The following RTTN variants were observed in gnomAD, a reference collection of about 807,000 sequenced individuals.
RTTN encodes the protein rotatin.
In RTTN, 182 loss-of-function variants were observed where a neutral mutation model predicts 269.2. The observed-to-expected ratio is 0.68, with a 90% CI of 0.60 to 0.76. The LOEUF is 0.76. Among genes scored for constraint, RTTN ranks in the 30% least tolerant of loss-of-function variants. The pLI is 0.00. For missense variants in RTTN, 2,545 were observed against 2,608.6 expected (o/e 0.98, Z 0.53); for synonymous variants, 1,006 against 963.5 (o/e 1.04, Z -0.82).
At chr18:70,017,194 C>A (rs1044431614) in intron 46 of RTTN, among the ~76,000 whole-genome samples, 1 of 152,104 alleles carries the variant, frequency 6.6e-6, no homozygotes, top group African/African-American at 2.4e-5. Flanking sequence ...AGTATGTGCA[C>A]TGGAATGACA....
intron 1 of RTTN, 77 bp from the exon 2 acceptor site, chr18:70,205,392 G>A (rs2062051383): frequency 6.4e-7 from 1 of 1,564,858 alleles, no homozygotes; most frequent in African/African-American, 1.4e-5. Context: ...GGGCAGGAGC[G>A]GCGTGAAGAC....
chr18:70,051,598 G>C, intron 38 of RTTN, 50 bp from the exon 39 acceptor site: 1 of 1,424,950 alleles, frequency 7.0e-7, no homozygotes, highest in South Asian at 1.3e-5. Flanking sequence ...AGAAGGAAAA[G>C]AACCTTTCAA....
chr18:70,116,419 GT>G (rs926554451), intron 26 of RTTN, among the ~76,000 whole-genome samples: 2 of 151,170 alleles, frequency 1.3e-5, no homozygotes, highest in Non-Finnish European at 3.0e-5. Context: ...GATTACTGAA[GT>G]TTTTTTTTCT....
At chr18:70,023,631 T>C (rs1016895762) in intron 44 of RTTN, among the ~76,000 whole-genome samples, 10 of 152,262 alleles carry the variant, frequency 6.6e-5, no homozygotes, top group South Asian at 4.1e-4. Context: ...TCCTTGACTC[T>C]ACCTTTGAGC....
intron 34 of RTTN, among the ~76,000 whole-genome samples, chr18:70,072,315 C>G (rs959919710): frequency 1.3e-5 from 2 of 152,006 alleles, no homozygotes; most frequent in Non-Finnish European, 2.9e-5. Context: ...ACACATATTA[C>G]AAAATTCTTT....
At chr18:70,019,894 C>T (rs1027887317) in intron 45 of RTTN, 4 of 152,182 alleles carry the variant, frequency 2.6e-5, no homozygotes, top group African/African-American at 9.7e-5. Context: ...CTTATAAATG[C>T]TCTCAACTTC....
rs1331568997 is a variant in RTTN at position 70,139,671 on chromosome 18, C to A, written c.2716G>T (p.Val906Phe). The change falls in exon 21 of 49, where the codon GTT becomes TTT. Residue 906 changes from valine (V) to phenylalanine (F), a missense_variant. Coordinates refer to ENST00000640769, the MANE Select transcript of RTTN (RefSeq NM_173630.4). ...VQPCLTLLRK[V>F]LCGDPVMRVS... ...CGCATGACTGGATCACCACATAAAACCTTCCTCAAGAGTGTGAGGCATGGT... is the reference window on the plus strand; with the variant it reads ...CGCATGACTGGATCACCACATAAAAACTTCCTCAAGAGTGTGAGGCATGGT... 3 of 1,613,436 alleles carry A rather than the reference C, an allele frequency of 1.9e-6. No homozygotes were observed. The East Asian group carries it at 6.7e-5, about 36-fold the overall frequency.
At chr18:70,131,498 A>G (rs552671962) in intron 23 of RTTN, 1 of 151,776 alleles carries the variant, frequency 6.6e-6, no homozygotes, top group East Asian at 1.9e-4. Context: ...TAATCTCTAT[A>G]TTATAAAAGA....
chr18:70,089,549 A>G (rs1029128127), intron 30 of RTTN, among the ~76,000 whole-genome samples: 5 of 152,254 alleles, frequency 3.3e-5, no homozygotes, highest in African/African-American at 9.6e-5. Flanking sequence ...ACAAATGCCT[A>G]AACACATGAA....
rs760332068 is a variant in RTTN at position 70,109,539 on chromosome 18, G to A, written c.3862C>T (p.Pro1288Ser). 2 of 1,613,932 alleles carry A rather than the reference G, an allele frequency of 1.2e-6. No individual in the cohort carries two copies. Among genetic ancestry groups the A allele is most frequent in the East Asian group, 4.5e-5 (2 of 44,862 alleles). ...GWSSHSPLTK[P>S]LDICVKYLSG... Reference sequence around the variant, plus strand: ...AAGTACTTCACACAGATATCTAGAGGCTTTGTGAGAGGAGAGTGTGAGCTC... The same window carrying A: ...AAGTACTTCACACAGATATCTAGAGACTTTGTGAGAGGAGAGTGTGAGCTC... Residue 1288 changes from proline (P) to serine (S), a missense_variant, in exon 28 of 49, where the codon CCT becomes TCT. Transcript: ENST00000640769.
intron 32 of RTTN, among the ~76,000 whole-genome samples, chr18:70,086,059 C>T (rs2058691251): frequency 6.6e-6 from 1 of 152,052 alleles, no homozygotes; most frequent in Admixed American, 6.5e-5. Flanking sequence ...GTTAACCCAA[C>T]AGAAAACAAA....
intron 40 of RTTN, among the ~76,000 whole-genome samples, chr18:70,037,649 C>T (rs920237308): frequency 3.9e-5 from 6 of 152,136 alleles, no homozygotes; most frequent in East Asian, 3.9e-4. Flanking sequence ...GGCTCTGGGA[C>T]GTGCTGACTT....
chr18:70,006,501 A>G lies in RTTN; in HGVS notation c.6422-17T>C, dbSNP rs1268117642. 2 of 1,596,410 alleles carry G rather than the reference A, an allele frequency of 1.3e-6. No individual in the cohort carries two copies. Among genetic ancestry groups the G allele is most frequent in the African/African-American group, 2.7e-5 (2 of 74,526 alleles). On this transcript the variant is annotated splice_polypyrimidine_tract_variant and intron_variant, in intron 46 of 48. Coordinates refer to ENST00000640769, the MANE Select transcript of RTTN (RefSeq NM_173630.4). ...TGACTTTTTCTAAAAATGAACATAT[A>G]TTTTTTAAAAGTTCAGTCCCAGACA...
Position 70,192,648 on chromosome 18 carries a change from C to G in RTTN, c.1007+640G>C, listed in dbSNP as rs190376639. The stretch of plus-strand genomic sequence containing the variant: ...TCGTGCCACTGCACTCCAGCCTAGG[C>G]AAGAGAGTGAGACCTTGTCTCAAAA... On this transcript the variant is annotated intron_variant, in intron 8 of 48. Transcript: ENST00000640769. Among the ~76,000 whole-genome samples the G allele has an allele frequency of 3.4e-5, 4 of 116,816 alleles. No homozygotes were observed. The East Asian group carries it at 1.0e-3, about 29-fold the overall frequency. 76.6% of individuals were successfully genotyped at this position (116,816 alleles called of 152,430 possible).
chr18:70,024,599 C>G lies in RTTN; in HGVS notation c.5950+123G>C, dbSNP rs2056800155. 7.8e-6 allele frequency: 7 copies of G among 895,594 alleles called. No homozygotes were observed. In the Admixed American group the frequency reaches 1.7e-4, roughly 22 times the overall value. 55.5% of individuals were successfully genotyped at this position (895,594 alleles called of 1,614,324 possible). ...TACGAGAAAGCTTGCCTTTGCCCAT[C>G]ATATCCTCAATAAATCAGAGAAATA... On this transcript the variant is annotated intron_variant, in intron 44 of 48. Coordinates refer to ENST00000640769, the MANE Select transcript of RTTN (RefSeq NM_173630.4).
At chr18:70,088,926 T>C (rs1039091781) in intron 30 of RTTN, among the ~76,000 whole-genome samples, 2 of 152,232 alleles carry the variant, frequency 1.3e-5, no homozygotes, top group African/African-American at 4.8e-5. Flanking sequence ...TGTATTGTAA[T>C]GCAAATGCAA....
At chr18:70,044,424 T>A (rs116405048) in intron 40 of RTTN, among the ~76,000 whole-genome samples, 1 of 152,334 alleles carries the variant, frequency 6.6e-6, no homozygotes, top group South Asian at 2.1e-4. Flanking sequence ...TTGTTATCTA[T>A]ATGTATTTGC....
Position 70,088,000 on chromosome 18 carries a change from C to A in RTTN, c.4291G>T (p.Val1431Leu). ...AAAGACAGACATACCTCCCGGCGCA[C>A]CATACTACATTCTGACTGGTCCAGA... ...ILLDQSECSM[V>L]RREAAFILQN... Residue 1431 changes from valine (V) to leucine (L), a missense_variant, in exon 31 of 49, where the codon GTG (valine) becomes TTG (leucine). By Grantham distance (32) the Val-to-Leu change is conservative. Coordinates refer to ENST00000640769, the MANE Select transcript of RTTN (RefSeq NM_173630.4). 1 of 1,612,724 alleles carries A rather than the reference C, an allele frequency of 6.2e-7. No homozygotes were observed. Among genetic ancestry groups the A allele is most frequent in the Non-Finnish European group, 8.5e-7 (1 of 1,179,534 alleles).
intron 27 of RTTN, among the ~76,000 whole-genome samples, chr18:70,113,935 G>A (rs570592137): frequency 1.3e-5 from 2 of 152,228 alleles, no homozygotes; most frequent in East Asian, 3.9e-4. Context: ...GGCTTCTCTT[G>A]GGGTGATGAT....
Sources: allele counts gnomAD v4.1 joint callset (sites outside exome capture counted in the v4.1 genomes callset), GRCh38; gene constraint gnomAD v4.1.1; transcripts MANE v1.5; gene names NCBI Gene and HGNC (gene_info 2026-07-23, HGNC 2026-07-21).